Variants in CA10 observed in about 807,000 individuals in gnomAD.
CA10 encodes carbonic anhydrase-related protein 10.
Under a neutral mutation model 44.2 loss-of-function variants are expected in CA10, and 14 were observed. The observed-to-expected ratio is 0.32, with a 90% CI of 0.21 to 0.50. The LOEUF (loss-of-function observed/expected upper bound fraction) is 0.50, where lower values mean the gene tolerates loss of function less well. Ranked by LOEUF, CA10 falls within the 20% of genes least tolerant of loss-of-function variation. The pLI, the probability that CA10 is intolerant of heterozygous loss-of-function variation, is 0.99. For missense variants in CA10, 350 were observed against 409.7 expected (o/e 0.85, Z 1.26); for synonymous variants, 159 against 141.6 (o/e 1.12, Z -0.87).
At chr17:51,995,630 G>A (rs752754579) in intron 2 of CA10, among the ~76,000 whole-genome samples, 2 of 152,072 alleles carry the variant, frequency 1.3e-5, no homozygotes, top group Non-Finnish European at 2.9e-5. Flanking sequence ...ACAGAGAAAA[G>A]TATAGCCAAG....
intron 2 of CA10, among the ~76,000 whole-genome samples, chr17:51,998,312 A>C (rs1985306677): frequency 6.6e-6 from 1 of 152,122 alleles, no homozygotes; most frequent in African/African-American, 2.4e-5. Flanking sequence ...TTCAGACTGC[A>C]GGTGCTGTAG....
At chr17:51,679,435 T>G (rs766695550) in intron 4 of CA10, among the ~76,000 whole-genome samples, 49 of 151,622 alleles carry the variant, frequency 3.2e-4, no homozygotes, top group Non-Finnish European at 5.9e-4. Context: ...AATTCCTTTT[T>G]TATTTTTAGT....
chr17:52,128,036 T>G (rs537705919), intron 1 of CA10, among the ~76,000 whole-genome samples: 1 of 152,264 alleles, frequency 6.6e-6, no homozygotes, highest in South Asian at 2.1e-4. Flanking sequence ...CACAAAGAGG[T>G]ATGTAAATCT....
rs566187861 is a variant in CA10 at position 51,747,082 on chromosome 17, TG to T, written c.465+550del. Among the ~76,000 whole-genome samples, 397 of 152,316 alleles carry T rather than the reference TG, an allele frequency of 2.6e-3. 1 individual carries two copies. The highest frequency in any genetic ancestry group is 9.0e-3 in the African/African-American group (375 of 41,576). On this transcript the variant is annotated intron_variant, in intron 4 of 8. Transcript: ENST00000451037. ...AGCTCTTGTCCTATAAATGAAACTG[TG>T]GTTGGGCTCTCTGCTGTGGCCTGAG... is the stretch of plus-strand genomic sequence containing the variant.
intron 1 of CA10, among the ~76,000 whole-genome samples, chr17:52,144,805 T>C (rs1311858141): frequency 6.6e-6 from 1 of 152,198 alleles, no homozygotes; most frequent in Admixed American, 6.5e-5. Context: ...GCTTCAGCCA[T>C]ATCGAAAGCA....
chr17:51,633,782 GAGTCC>G, intron 7 of CA10, 132 bp from the exon 8 acceptor site: 1 of 928,320 alleles, frequency 1.1e-6, no homozygotes, highest in Non-Finnish European at 1.6e-6. Flanking sequence ...AAGCCCCACA[GAGTCC>G]CTTTTTTCCA....
chr17:51,768,542 G>A (rs1028151836), intron 3 of CA10, among the ~76,000 whole-genome samples: 14 of 152,186 alleles, frequency 9.2e-5, no homozygotes, highest in African/African-American at 2.4e-4. Flanking sequence ...AGCAAGAGTT[G>A]CTGGCTGGTA....
At chr17:51,881,735 T>G (rs1201123093) in intron 3 of CA10, among the ~76,000 whole-genome samples, 1 of 152,146 alleles carries the variant, frequency 6.6e-6, no homozygotes, top group East Asian at 1.9e-4. Flanking sequence ...CATATTAAGT[T>G]GTCAAAAATT....
chr17:51,928,262 A>G (rs1431759042), intron 3 of CA10, among the ~76,000 whole-genome samples: 3 of 152,158 alleles, frequency 2.0e-5, no homozygotes, highest in Non-Finnish European at 4.4e-5. Flanking sequence ...TTTGAACTGC[A>G]TTTTGACTGC....
chr17:51,671,084 C>T (rs1914402127), intron 4 of CA10, among the ~76,000 whole-genome samples: 2 of 152,272 alleles, frequency 1.3e-5, no homozygotes, highest in South Asian at 2.1e-4. Context: ...GAAATAGGCA[C>T]AGCTGGCTTG....
At chr17:52,122,336 A>G (rs149844353) in intron 1 of CA10, among the ~76,000 whole-genome samples, 37 of 152,368 alleles carry the variant, frequency 2.4e-4, no homozygotes, top group African/African-American at 8.4e-4. Context: ...AATAAAATTC[A>G]GCAGTACCAT....
chr17:52,047,156 G>T (rs1048717622), intron 2 of CA10, among the ~76,000 whole-genome samples: 2 of 151,938 alleles, frequency 1.3e-5, no homozygotes, highest in African/African-American at 4.8e-5. Context: ...TGCTAATACA[G>T]TCAACAATAT....
At chr17:52,024,886 G>A (rs1986250924) in intron 2 of CA10, among the ~76,000 whole-genome samples, 1 of 151,854 alleles carries the variant, frequency 6.6e-6, no homozygotes, top group South Asian at 2.1e-4. Flanking sequence ...ATTGATGATT[G>A]TGATGATGGT....
chr17:51,969,423 G>GGC (rs1984198595), intron 2 of CA10, among the ~76,000 whole-genome samples: 1 of 151,980 alleles, frequency 6.6e-6, no homozygotes, highest in Middle Eastern at 3.2e-3. Context: ...GAGTCCAGAT[G>GGC]GCTATGCCCT....
chr17:51,855,725 T>C (rs1297259898), intron 3 of CA10, among the ~76,000 whole-genome samples: 2 of 152,180 alleles, frequency 1.3e-5, no homozygotes, highest in Admixed American at 6.5e-5. Flanking sequence ...TTTAATAACG[T>C]TGAAATCTGG....
Position 52,109,135 on chromosome 17 carries a change from A to T in CA10, c.62-36742T>A, listed in dbSNP as rs930864530. 8.5e-5 allele frequency among the ~76,000 whole-genome samples: 13 copies of T among 152,306 alleles called. No individual in the cohort carries two copies. The South Asian group carries it at 2.3e-3, about 27-fold the overall frequency. On this transcript the variant is annotated intron_variant, in intron 1 of 8. Transcript: ENST00000451037. ...AACAGCAACAAAACCAATACTAGGA[A>T]GGGAGTCATAGGGGCATTACACTCA...
intron 3 of CA10, among the ~76,000 whole-genome samples, chr17:51,922,061 G>A: frequency 6.6e-6 from 1 of 152,122 alleles, no homozygotes. Flanking sequence ...ACCTGTGATG[G>A]TAGCTAACAG....
In CA10 at chr17:52,008,422, C is replaced by T. The variant is rs181346614; in HGVS notation, c.136+63897G>A. Among the ~76,000 whole-genome samples, 19 of 151,684 alleles carry T rather than the reference C, an allele frequency of 1.3e-4. No individual in the cohort carries two copies. The East Asian group carries it at 2.1e-3, about 17-fold the overall frequency. ...ACAACAATCACTAGGGAATGGGGTG[C>T]GTAAAGTATTTAATGTATAATTGTC... On this transcript the variant is annotated intron_variant, in intron 2 of 8. Coordinates refer to ENST00000451037, the MANE Select transcript of CA10 (RefSeq NM_020178.5).
chr17:51,657,908 A>G lies in CA10; in HGVS notation c.466-4172T>C, dbSNP rs1271255754. ...TCAAGTTCAAGAATTTAAGCTATTC[A>G]TTAAAGAGATGCCTTGAGGGCTTCT... On this transcript the variant is annotated intron_variant, in intron 4 of 8. Transcript: ENST00000451037. Among the ~76,000 whole-genome samples, 3 of 152,252 alleles carry G rather than the reference A, an allele frequency of 2.0e-5. No individual in the cohort carries two copies. The East Asian group carries it at 5.8e-4, about 29-fold the overall frequency.
Sources: allele counts gnomAD v4.1 joint callset (sites outside exome capture counted in the v4.1 genomes callset), GRCh38; gene constraint gnomAD v4.1.1; transcripts MANE v1.5; gene names NCBI Gene and HGNC (gene_info 2026-07-23, HGNC 2026-07-21).